Variants in KCNQ1 observed in about 807,000 individuals in gnomAD.
KCNQ1 encodes potassium voltage-gated channel subfamily KQT member 1.
In KCNQ1, 49 loss-of-function variants were observed where a neutral mutation model predicts 72.4. The observed-to-expected ratio is 0.68, with a 90% confidence interval of 0.54 to 0.86. KCNQ1 has a LOEUF of 0.86. Among genes scored for constraint, KCNQ1 ranks in the 40% least tolerant of loss-of-function variants. The pLI, the probability that KCNQ1 is intolerant of heterozygous loss-of-function variation, is 0.00. For synonymous variants in KCNQ1, 450 were observed against 412.6 expected, an observed-to-expected ratio of 1.09 and a Z score of -1.10; for missense variants, 790 against 945.1, an observed-to-expected ratio of 0.84 and a Z score of 2.15.
chr11:2,449,581 G>C (rs1846094222), intron 1 of KCNQ1, among the ~76,000 whole-genome samples: 1 of 152,172 alleles, frequency 6.6e-6, no homozygotes, highest in Admixed American at 6.5e-5. Context: ...TCTTGCAGAG[G>C]ACAGGAAGGG....
chr11:2,499,770 A>G (rs1401625465), intron 1 of KCNQ1, among the ~76,000 whole-genome samples: 3 of 152,194 alleles, frequency 2.0e-5, no homozygotes, highest in African/African-American at 7.2e-5. Flanking sequence ...ACGATATAAC[A>G]ATTTCAAAGA....
rs919375713 is a variant in KCNQ1, at chr11:2,599,941, C to T, written c.1393+11087C>T. Among the ~76,000 whole-genome samples, 3 of 152,200 alleles carry T rather than the reference C, an allele frequency of 2.0e-5. No homozygotes were observed. Among genetic ancestry groups the T allele is most frequent in the Non-Finnish European group, 2.9e-5 (2 of 68,036 alleles). Reference sequence around the variant, plus strand: ...AAACCTTGTGGGACACAATTCAGCCCGTGACACAGGAATAGGCTTGTTAAT... The same window carrying T: ...AAACCTTGTGGGACACAATTCAGCCTGTGACACAGGAATAGGCTTGTTAAT... On this transcript the variant is annotated intron_variant, in intron 10 of 15. Transcript: ENST00000155840. The surrounding 1 kb of genome is among the most constrained non-coding windows in gnomAD (Gnocchi z 4.7).
At chr11:2,773,634 G>A (rs1362134446) in intron 12 of KCNQ1, among the ~76,000 whole-genome samples, 2 of 151,176 alleles carry the variant, frequency 1.3e-5, no homozygotes, top group Non-Finnish European at 2.9e-5. Flanking sequence ...TTACAGAAAG[G>A]AAGATCAAGG....
At chr11:2,822,279 C>T (rs555984705) in intron 15 of KCNQ1, among the ~76,000 whole-genome samples, 9 of 152,296 alleles carry the variant, frequency 5.9e-5, no homozygotes, top group East Asian at 1.9e-4. Flanking sequence ...ACACGTGTTG[C>T]GCTATGCTTG....
intron 1 of KCNQ1, among the ~76,000 whole-genome samples, chr11:2,504,429 C>T (rs1847066479): frequency 6.6e-6 from 1 of 151,992 alleles, no homozygotes; most frequent in Admixed American, 6.5e-5. Context: ...AACAGGGTGA[C>T]TATAGTCAAT....
At chr11:2,839,312 T>C (rs980864339) in intron 15 of KCNQ1, among the ~76,000 whole-genome samples, 5 of 151,734 alleles carry the variant, frequency 3.3e-5, no homozygotes, top group East Asian at 3.9e-4. Context: ...TGGGCCCCCC[T>C]GGCTCTGCCA....
rs554373949 is a variant in KCNQ1 at position 2,663,879 on chromosome 11, G to A, written c.1514+1798G>A. On this transcript the variant is annotated intron_variant, in intron 11 of 15. Transcript: ENST00000155840. This position sits in a 1 kb window ranked among gnomAD's most constrained non-coding sequence, Gnocchi z 5.2. ...CCAGAGGTTACCCACCTGCCCAAGG[G>A]TGACCCCAAGCCAGTGTGGCTGTGT... 1 of 398,702 alleles carries A rather than the reference G, an allele frequency of 2.5e-6. No homozygotes were observed. The highest frequency in any genetic ancestry group is 4.4e-6 in the Non-Finnish European group (1 of 226,126). The allele number at this position is 398,702 out of a possible 1,614,324, so 24.7% of individuals were successfully genotyped here.
intron 11 of KCNQ1, among the ~76,000 whole-genome samples, chr11:2,726,818 C>T (rs913275718): frequency 6.6e-6 from 1 of 152,306 alleles, no homozygotes; most frequent in East Asian, 1.9e-4. Context: ...AGAGAGGTAT[C>T]CCCCGTGCCC....
In KCNQ1 at chr11:2,647,119, T is replaced by C; in HGVS notation, c.1394-14842T>C. On this transcript the variant is annotated intron_variant, in intron 10 of 15. Coordinates refer to ENST00000155840, the MANE Select transcript of KCNQ1 (RefSeq NM_000218.3). The surrounding 1 kb of genome is among the most constrained non-coding windows in gnomAD (Gnocchi z 4.0). ...CCCAGGTGGCTGTGGGTTTGTCATA[T>C]ATGACCTTCATTGAGTTATGTTCCT... The C allele has an allele frequency of 7.5e-6, 3 of 398,614 alleles. No individual in the cohort carries two copies. The highest frequency in any genetic ancestry group is 4.4e-5 in the Admixed American group (1 of 22,736). 24.7% of individuals were successfully genotyped at this position (398,614 alleles called of 1,614,324 possible). A position where few individuals can be genotyped will look rare whatever the true frequency, so the allele number is the denominator to read the frequency against.
rs1479102331 is a variant in KCNQ1 at position 2,537,943 on chromosome 11, T to C, written c.477+9925T>C. 1.3e-5 allele frequency among the ~76,000 whole-genome samples: 2 copies of C among 152,184 alleles called. No homozygotes were observed. The highest frequency in any genetic ancestry group is 2.9e-5 in the Non-Finnish European group (2 of 68,034). ...GTTACCTAGGCTGGTCTTAAACTCCTGAGTTCAAACAATCCTCCCACCTCG... is the reference window on the plus strand; with the variant it reads ...GTTACCTAGGCTGGTCTTAAACTCCCGAGTTCAAACAATCCTCCCACCTCG... On this transcript the variant is annotated intron_variant, in intron 2 of 15. Transcript: ENST00000155840. This position sits in a 1 kb window ranked among gnomAD's most constrained non-coding sequence, Gnocchi z 5.2.
intron 6 of KCNQ1, among the ~76,000 whole-genome samples, chr11:2,575,131 C>T (rs1306511810): frequency 1.3e-5 from 2 of 152,182 alleles, no homozygotes; most frequent in African/African-American, 4.8e-5. Flanking sequence ...CCCAGCCGCC[C>T]ACTGGAGCTG....
chr11:2,754,835 G>C (rs1055364422), intron 11 of KCNQ1, among the ~76,000 whole-genome samples: 1 of 152,184 alleles, frequency 6.6e-6, no homozygotes. Flanking sequence ...GACTGTGAAA[G>C]AAAAACATTG....
chr11:2,555,008 C>T (rs937299532), intron 2 of KCNQ1, among the ~76,000 whole-genome samples: 3 of 152,210 alleles, frequency 2.0e-5, no homozygotes, highest in African/African-American at 7.2e-5. Flanking sequence ...CGCTGACACA[C>T]GTGCACACAC....
Position 2,676,397 on chromosome 11 carries a change from C to T in KCNQ1, c.1514+14316C>T, listed in dbSNP as rs1850295105. ...GAAGGAGCATAGTCTCTGTGTTCAG[C>T]TAGAGATTTAGCCCAATGGGCTGGG... On this transcript the variant is annotated intron_variant, in intron 11 of 15. Coordinates refer to ENST00000155840, the MANE Select transcript of KCNQ1 (RefSeq NM_000218.3). This position sits in a 1 kb window ranked among gnomAD's most constrained non-coding sequence, Gnocchi z 4.2. The T allele has an allele frequency of 2.5e-6, 1 of 398,620 alleles. No individual in the cohort carries two copies. The highest frequency in any genetic ancestry group is 4.4e-6 in the Non-Finnish European group (1 of 226,062). The allele number at this position is 398,620 out of a possible 1,614,324, so 24.7% of individuals were successfully genotyped here.
chr11:2,794,640 C>T (rs1477785328), intron 15 of KCNQ1, among the ~76,000 whole-genome samples: 5 of 152,134 alleles, frequency 3.3e-5, no homozygotes, highest in Non-Finnish European at 7.3e-5. Context: ...GAGCAGATGC[C>T]GCATGGAGGG....
At position 2,671,327 on chromosome 11, in the gene KCNQ1, C is replaced by T; in HGVS notation, c.1514+9246C>T. The T allele has an allele frequency of 5.0e-6, 2 of 398,610 alleles. No homozygotes were observed. Among genetic ancestry groups the T allele is most frequent in the Non-Finnish European group, 8.8e-6 (2 of 226,054 alleles). The allele number at this position is 398,610 out of a possible 1,614,324, so 24.7% of individuals were successfully genotyped here. A position where few individuals can be genotyped will look rare whatever the true frequency, so the allele number is the denominator to read the frequency against. ...CTTTTCCCATGTGTGGCTGCAGCCT[C>T]AGAGGCTCCCTCTGAAGATGACACT... On this transcript the variant is annotated intron_variant, in intron 11 of 15. Transcript: ENST00000155840. This position sits in a 1 kb window ranked among gnomAD's most constrained non-coding sequence, Gnocchi z 4.7.
At position 2,526,865 on chromosome 11, in the gene KCNQ1, G is replaced by T. The variant is rs761845446; in HGVS notation, c.387-1063G>T. Among the ~76,000 whole-genome samples the T allele has an allele frequency of 1.3e-5, 2 of 152,242 alleles. No homozygotes were observed. Among genetic ancestry groups the T allele is most frequent in the South Asian group, 2.1e-4 (1 of 4,826 alleles). On this transcript the variant is annotated intron_variant, in intron 1 of 15. Transcript: ENST00000155840. This position sits in a 1 kb window ranked among gnomAD's most constrained non-coding sequence, Gnocchi z 6.1. ...CTGGGGCACCCTATGCCAGGCAGAGGATCTATGCCGGGGCCCCCAGGGTCT... is the reference window on the plus strand; with the variant it reads ...CTGGGGCACCCTATGCCAGGCAGAGTATCTATGCCGGGGCCCCCAGGGTCT...
intron 1 of KCNQ1, among the ~76,000 whole-genome samples, chr11:2,480,843 G>A (rs183275138): frequency 1.6e-4 from 25 of 152,286 alleles, no homozygotes; most frequent in African/African-American, 2.2e-4. Flanking sequence ...ATGAGGAGGC[G>A]TTTAGCAGAA....
rs149162385 is a variant in KCNQ1 at position 2,670,532 on chromosome 11, C to T, written c.1514+8451C>T. ...AGCTCACAGAAGGGGAAATTGAAGCCTCAAGAAGGATAGGGACTTGCCAGT... is the reference window on the plus strand; with the variant it reads ...AGCTCACAGAAGGGGAAATTGAAGCTTCAAGAAGGATAGGGACTTGCCAGT... On this transcript the variant is annotated intron_variant, in intron 11 of 15. Coordinates refer to ENST00000155840, the MANE Select transcript of KCNQ1 (RefSeq NM_000218.3). This position sits in a 1 kb window ranked among gnomAD's most constrained non-coding sequence, Gnocchi z 4.9. 92 of 397,736 alleles carry T rather than the reference C, an allele frequency of 2.3e-4. No individual in the cohort carries two copies. The highest frequency in any genetic ancestry group is 1.6e-3 in the African/African-American group (76 of 48,422). 24.6% of individuals were successfully genotyped at this position (397,736 alleles called of 1,614,324 possible).
Sources: allele counts gnomAD v4.1 joint callset (sites outside exome capture counted in the v4.1 genomes callset), GRCh38; gene constraint gnomAD v4.1.1; non-coding constraint Gnocchi (gnomAD v3.1); transcripts MANE v1.5; gene names NCBI Gene and HGNC (gene_info 2026-07-23, HGNC 2026-07-21).